The following HPSE2 variants were observed in gnomAD, a reference collection of about 807,000 sequenced individuals.
The protein encoded by HPSE2 is heparanase 2 (inactive).
HPSE2 carries 38 observed loss-of-function variants against 60.5 expected under a neutral mutation model. The observed-to-expected ratio is 0.63, with a 90% CI of 0.48 to 0.82. The LOEUF (loss-of-function observed/expected upper bound fraction) is 0.82. Among genes scored for constraint, HPSE2 ranks in the 40% least tolerant of loss-of-function variants. The pLI, the probability that HPSE2 is intolerant of heterozygous loss-of-function variation, is 0.00. For synonymous variants in HPSE2, 295 were observed against 293.2 expected (o/e 1.01, Z -0.06); for missense variants, 713 against 740.4 (o/e 0.96, Z 0.43).
chr10:99,146,755 G>A (rs1338296660), intron 2 of HPSE2, among the ~76,000 whole-genome samples: 1 of 152,202 alleles, frequency 6.6e-6, no homozygotes, highest in Non-Finnish European at 1.5e-5. Flanking sequence ...CAGCTACTCA[G>A]GAGGCTGAGG....
chr10:99,067,644 C>T (rs1842657908), intron 3 of HPSE2, among the ~76,000 whole-genome samples: 1 of 152,212 alleles, frequency 6.6e-6, no homozygotes, highest in Non-Finnish European at 1.5e-5. Flanking sequence ...GCACCAAGTT[C>T]CAAGGCTGCA....
At chr10:98,579,215 G>A (rs1011596350) in intron 9 of HPSE2, among the ~76,000 whole-genome samples, 1 of 152,166 alleles carries the variant, frequency 6.6e-6, no homozygotes, top group Non-Finnish European at 1.5e-5. Context: ...TTTGAGACTT[G>A]AAGGATCAGC....
At chr10:98,779,902 T>C (rs1209907648) in intron 3 of HPSE2, among the ~76,000 whole-genome samples, 1 of 152,112 alleles carries the variant, frequency 6.6e-6, no homozygotes, top group East Asian at 1.9e-4. Context: ...GAGGCTGACA[T>C]CAAAGGGTAG....
intron 3 of HPSE2, among the ~76,000 whole-genome samples, chr10:99,094,540 A>ATTTTTTTTTTTT (rs531721304): frequency 3.8e-5 from 1 of 26,612 alleles, no homozygotes; most frequent in African/African-American, 1.7e-4. Flanking sequence ...ATATATATAT[A>ATTTTTTTTTTTT]TTTTTTTTTT....
At chr10:98,866,016 T>C (rs1411500188) in intron 3 of HPSE2, among the ~76,000 whole-genome samples, 3 of 152,106 alleles carry the variant, frequency 2.0e-5, no homozygotes, top group Admixed American at 1.3e-4. Flanking sequence ...TCTCATTCAA[T>C]GAAGGATTAC....
the HPSE2 span, among the ~76,000 whole-genome samples, chr10:99,274,878 G>A: frequency 6.6e-6 from 1 of 152,124 alleles, no homozygotes. Flanking sequence ...AATATACTTC[G>A]CCAAAGCAGA....
rs976549843 is a variant in HPSE2, at chr10:98,657,485, C to A, written c.1005-15545G>T. Among the ~76,000 whole-genome samples, 9 of 152,170 alleles carry A rather than the reference C, an allele frequency of 5.9e-5. No individual in the cohort carries two copies. In the South Asian group the frequency reaches 1.7e-3, roughly 28 times the overall value. Reference sequence around the variant, plus strand: ...CCCAGTAGCTGGGATTATAGGTGCACGCCACCACGCCCAGATAATTTTTGT... The same window carrying A: ...CCCAGTAGCTGGGATTATAGGTGCAAGCCACCACGCCCAGATAATTTTTGT... On this transcript the variant is annotated intron_variant, in intron 6 of 11. Transcript: ENST00000370552.
At chr10:99,048,427 A>T (rs1957910451) in intron 3 of HPSE2, 2 of 237,000 alleles carry the variant, frequency 8.4e-6, no homozygotes, top group Admixed American at 1.1e-4. Context: ...GGACATTAAC[A>T]GACACTTCTC....
At position 99,126,307 on chromosome 10, in the gene HPSE2, T is replaced by C. The variant is rs1237706226; in HGVS notation, c.610+17931A>G. Among the ~76,000 whole-genome samples the C allele has an allele frequency of 1.3e-5, 2 of 152,152 alleles. No homozygotes were observed. The highest frequency in any genetic ancestry group is 2.9e-5 in the Non-Finnish European group (2 of 68,026). Reference sequence around the variant, plus strand: ...CCCCCACAGTGGCCGCAGCAAGCCTTGCCCAAGTCTGAGCCCAGACTCACC... The same window carrying C: ...CCCCCACAGTGGCCGCAGCAAGCCTCGCCCAAGTCTGAGCCCAGACTCACC... On this transcript the variant is annotated intron_variant, in intron 3 of 11. Coordinates refer to ENST00000370552, the MANE Select transcript of HPSE2 (RefSeq NM_021828.5). This position sits in a 1 kb window ranked among gnomAD's most constrained non-coding sequence, Gnocchi z 4.0.
chr10:99,300,566 G>A, the HPSE2 span, among the ~76,000 whole-genome samples: 1 of 152,204 alleles, frequency 6.6e-6, no homozygotes, highest in Non-Finnish European at 1.5e-5. Flanking sequence ...CCTCATGCCT[G>A]AGTGTTCTAT....
intron 6 of HPSE2, among the ~76,000 whole-genome samples, chr10:98,687,053 C>T (rs953065006): frequency 4.6e-5 from 7 of 151,812 alleles, no homozygotes; most frequent in Non-Finnish European, 7.4e-5. Context: ...ATTTTTTTCT[C>T]CTTTTGTTGT....
At position 98,641,917 on chromosome 10, in the gene HPSE2, A is replaced by C. The variant is rs775970438; in HGVS notation, c.1028T>G (p.Val343Gly). The C allele has an allele frequency of 6.2e-7, 1 of 1,613,758 alleles. No individual in the cohort carries two copies. ...AGTTTTCAGGAAGTCCATCACCTTGACCACCCGGCCATCAATGTAGCAACT... is the reference window on the plus strand; with the variant it reads ...AGTTTTCAGGAAGTCCATCACCTTGCCCACCCGGCCATCAATGTAGCAACT... ...WQHCYIDGRVVKVMDFLKTRL... is the reference protein window; with the variant it reads ...WQHCYIDGRVGKVMDFLKTRL... Residue 343 changes from valine (V) to glycine (G), a missense_variant, in exon 7 of 12, where the codon GTC becomes GGC. Coordinates refer to ENST00000370552, the MANE Select transcript of HPSE2 (RefSeq NM_021828.5).
chr10:98,750,879 A>G (rs1042559546), intron 3 of HPSE2, among the ~76,000 whole-genome samples: 9 of 152,074 alleles, frequency 5.9e-5, no homozygotes, highest in Non-Finnish European at 1.5e-5. Flanking sequence ...TGTGGATGGG[A>G]AGTATAAAGC....
At chr10:98,575,662 T>C (rs1944621710) in intron 9 of HPSE2, among the ~76,000 whole-genome samples, 2 of 152,308 alleles carry the variant, frequency 1.3e-5, no homozygotes, top group South Asian at 4.1e-4. Context: ...AGAGATGAGG[T>C]AATTTGCTTG....
At chr10:99,201,402 G>T (rs1448879087) in intron 2 of HPSE2, among the ~76,000 whole-genome samples, 1 of 152,024 alleles carries the variant, frequency 6.6e-6, no homozygotes, top group Non-Finnish European at 1.5e-5. Flanking sequence ...TCTGTCCTGT[G>T]AGGAGCCATG....
chr10:98,608,972 G>GAAAAGT (rs888458758), intron 9 of HPSE2, among the ~76,000 whole-genome samples: 2 of 152,104 alleles, frequency 1.3e-5, no homozygotes, highest in African/African-American at 4.8e-5. Flanking sequence ...ACAGCAATGG[G>GAAAAGT]AAAAGTTTTC....
chr10:98,689,523 T>C (rs1297303995), intron 6 of HPSE2, among the ~76,000 whole-genome samples: 1 of 152,232 alleles, frequency 6.6e-6, no homozygotes, highest in African/African-American at 2.4e-5. Flanking sequence ...ACTCTATGAA[T>C]ATATAATATG....
rs141195860 is a variant in HPSE2, at chr10:98,628,334, C to A, written c.1099-7626G>T. On this transcript the variant is annotated intron_variant, in intron 7 of 11. Coordinates refer to ENST00000370552, the MANE Select transcript of HPSE2 (RefSeq NM_021828.5). ...AAAAATTAGGAGAAACAGATGGAAC[C>A]AGCTGCAAAATTCCCTTAGAAAGTA... Among the ~76,000 whole-genome samples the A allele has an allele frequency of 1.8e-3, 274 of 152,200 alleles. 2 individuals are homozygous for A. Among genetic ancestry groups the A allele is most frequent in the East Asian group, 0.011 (55 of 5,184 alleles).
chr10:98,608,666 C>T (rs1348700446), intron 9 of HPSE2, among the ~76,000 whole-genome samples: 1 of 152,180 alleles, frequency 6.6e-6, no homozygotes, highest in Non-Finnish European at 1.5e-5. Flanking sequence ...GCCAAGGATG[C>T]CCTTCTCTCA....
Sources: gnomAD v4.1 joint callset for allele counts (sites outside exome capture counted in the v4.1 genomes callset) on GRCh38, gnomAD v4.1.1 for gene constraint, Gnocchi (gnomAD v3.1) non-coding constraint, MANE v1.5 for transcripts, NCBI Gene and HGNC (gene_info 2026-07-23, HGNC 2026-07-21) for gene names.